The following ASH1L variants were observed in gnomAD, a reference collection of about 807,000 sequenced individuals.
The protein encoded by ASH1L is ASH1 like histone lysine methyltransferase, also known as histone-lysine N-methyltransferase ASH1L.
Under a neutral mutation model 269.0 loss-of-function variants are expected in ASH1L, and 23 were observed. That is an observed-to-expected ratio of 0.09 (90% CI 0.06 to 0.12). The LOEUF (loss-of-function observed/expected upper bound fraction) is 0.12. Among genes scored for constraint, ASH1L ranks in the 10% least tolerant of loss-of-function variants. ASH1L has a pLI of 1.00. For missense variants in ASH1L, 2,912 were observed against 3,567.8 expected (o/e 0.82, Z 4.68); for synonymous variants, 1,187 against 1,253.5 (o/e 0.95, Z 1.12).
intron 15 of ASH1L, 97 bp from the exon 16 acceptor site, chr1:155,354,727 G>T: frequency 8.5e-7 from 1 of 1,178,492 alleles, no homozygotes; most frequent in Non-Finnish European, 1.2e-6. Flanking sequence ...CGATATACGT[G>T]AATTGAGCTG....
chr1:155,391,114 T>A (rs1456732220), intron 7 of ASH1L, among the ~76,000 whole-genome samples: 1 of 152,070 alleles, frequency 6.6e-6, no homozygotes, highest in East Asian at 1.9e-4. Flanking sequence ...CCTGGCTAAT[T>A]TTTGTATTTT....
rs1652559871 is a variant in ASH1L at position 155,339,240 on chromosome 1, G to C, written c.8501+88C>G. The C allele has an allele frequency of 5.0e-6, 6 of 1,199,646 alleles. No individual in the cohort carries two copies. The Admixed American group carries it at 5.2e-5, about 10-fold the overall frequency. The allele number at this position is 1,199,646 out of a possible 1,614,324, so 74.3% of individuals were successfully genotyped here. On this transcript the variant is annotated intron_variant, in intron 26 of 27. Transcript: ENST00000392403. ...CAGAGAATACCCAGTCCTAGAAGTGGAGCTGAGTGGGTAGTTGTTTGTTTT... is the reference window on the plus strand; with the variant it reads ...CAGAGAATACCCAGTCCTAGAAGTGCAGCTGAGTGGGTAGTTGTTTGTTTT...
At chr1:155,531,116 C>T (rs1669641826) in intron 1 of ASH1L, among the ~76,000 whole-genome samples, 1 of 151,828 alleles carries the variant, frequency 6.6e-6, no homozygotes, top group Admixed American at 6.6e-5. Context: ...TAGAATCGTG[C>T]CACTGCACTC....
At chr1:155,463,628 AC>A (rs1450646702) in intron 3 of ASH1L, among the ~76,000 whole-genome samples, 1 of 151,766 alleles carries the variant, frequency 6.6e-6, no homozygotes, top group Non-Finnish European at 1.5e-5. Context: ...CTCAGTCTCT[AC>A]AAAAAAAAAT....
chr1:155,543,321 G>C (rs1670567148), intron 1 of ASH1L, among the ~76,000 whole-genome samples: 1 of 151,606 alleles, frequency 6.6e-6, no homozygotes, highest in Non-Finnish European at 1.5e-5. Flanking sequence ...CACCAGCCTG[G>C]CCAACATGGT....
chr1:155,405,253 G>T (rs971677475), intron 6 of ASH1L, among the ~76,000 whole-genome samples: 5 of 151,852 alleles, frequency 3.3e-5, no homozygotes, highest in African/African-American at 1.2e-4. Context: ...GGCTGAGGGG[G>T]GGGCAGATCA....
At chr1:155,451,998 G>A (rs1423428101) in intron 4 of ASH1L, among the ~76,000 whole-genome samples, 2 of 151,900 alleles carry the variant, frequency 1.3e-5, no homozygotes, top group African/African-American at 4.8e-5. Context: ...TGGGATTACA[G>A]ACGTGAGCCA....
At chr1:155,491,178 TTAATA>T (rs1405957269) in intron 2 of ASH1L, among the ~76,000 whole-genome samples, 16 of 152,144 alleles carry the variant, frequency 1.1e-4, no homozygotes, top group African/African-American at 3.9e-4. Context: ...AGATGGGCCC[TTAATA>T]TAATACTTCT....
chr1:155,556,237 C>T lies in ASH1L; in HGVS notation c.-100+5916G>A, dbSNP rs575107753. ...CCTGTACATAAAATTTAAAAATTAA[C>T]CAGATGTGGTGGCACATACATGTGG... On this transcript the variant is annotated intron_variant, in intron 1 of 27. Coordinates refer to ENST00000392403, the MANE Select transcript of ASH1L (RefSeq NM_018489.3). Among the ~76,000 whole-genome samples, 3 of 152,108 alleles carry T rather than the reference C, an allele frequency of 2.0e-5. No homozygotes were observed. The South Asian group carries it at 6.2e-4, about 32-fold the overall frequency.
intron 1 of ASH1L, among the ~76,000 whole-genome samples, chr1:155,548,193 C>T (rs758963858): frequency 1.1e-4 from 17 of 152,078 alleles, no homozygotes; most frequent in Non-Finnish European, 2.1e-4. Context: ...GAGGGAGAAC[C>T]TGAGGACGAG....
chr1:155,531,113 G>A (rs1207301173), intron 1 of ASH1L, among the ~76,000 whole-genome samples: 4 of 151,506 alleles, frequency 2.6e-5, no homozygotes, highest in African/African-American at 9.7e-5. Flanking sequence ...AGCTAGAATC[G>A]TGCCACTGCA....
At chr1:155,471,703 T>C (rs1194085633) in intron 3 of ASH1L, among the ~76,000 whole-genome samples, 1 of 152,248 alleles carries the variant, frequency 6.6e-6, no homozygotes, top group African/African-American at 2.4e-5. Context: ...ACTATAGTGC[T>C]TTCACAAGTT....
intron 1 of ASH1L, among the ~76,000 whole-genome samples, chr1:155,539,110 T>C (rs188296881): frequency 1.3e-5 from 2 of 152,292 alleles, no homozygotes; most frequent in East Asian, 3.9e-4. Flanking sequence ...AGTCTTTTGC[T>C]TCTCTAAAAT....
chr1:155,455,269 A>G (rs1467980991), intron 4 of ASH1L, among the ~76,000 whole-genome samples: 1 of 152,198 alleles, frequency 6.6e-6, no homozygotes, highest in Non-Finnish European at 1.5e-5. Context: ...TAAAGACCTA[A>G]TAAGATATTA....
chr1:155,343,006 C>T lies in ASH1L; in HGVS notation c.8293+308G>A, dbSNP rs1330871781. 1 of 228,566 alleles carries T rather than the reference C, an allele frequency of 4.4e-6. No individual in the cohort carries two copies. The highest frequency in any genetic ancestry group is 8.6e-6 in the Non-Finnish European group (1 of 116,184). The allele number at this position is 228,566 out of a possible 1,614,324, so 14.2% of individuals were successfully genotyped here. A position where few individuals can be genotyped will look rare whatever the true frequency, so the allele number is the denominator to read the frequency against. ...GGGCAATGAACAGGAGACATGAGGT[C>T]ATTGAAGTCTTTTTTTTTTTTTTGA... On this transcript the variant is annotated intron_variant, in intron 24 of 27. Coordinates refer to ENST00000392403, the MANE Select transcript of ASH1L (RefSeq NM_018489.3). This position sits in a 1 kb window ranked among gnomAD's most constrained non-coding sequence, Gnocchi z 6.1.
chr1:155,415,380 TCAAAAAAAAAAAAAAAAA>T, intron 6 of ASH1L, among the ~76,000 whole-genome samples: 1 of 97,502 alleles, frequency 1.0e-5, no homozygotes, highest in East Asian at 3.0e-4. Context: ...AGACTCCGTC[TCAAAAAAAAAAAAAAAAA>T]CAAAAAAAGA....
chr1:155,486,444 G>A (rs1285912649), intron 2 of ASH1L, among the ~76,000 whole-genome samples: 2 of 151,634 alleles, frequency 1.3e-5, no homozygotes, highest in Non-Finnish European at 2.9e-5. Context: ...AAAAAAAATA[G>A]AAAGAATGAA....
In ASH1L at chr1:155,562,799, G is replaced by GCCTCCTCCT. The variant is rs748963366; in HGVS notation, c.-747_-746insAGGAGGAGG. On this transcript the variant is annotated 5_prime_UTR_variant, in exon 1 of 28. Coordinates refer to ENST00000392403, the MANE Select transcript of ASH1L (RefSeq NM_018489.3). ...CGTACCTTCAACGGCGCAAGCCCAA[G>GCCTCCTCCT]CCTCCTCCTCCTCCTCCTCCACCTC... 2 of 597,292 alleles carry GCCTCCTCCT rather than the reference G, an allele frequency of 3.3e-6. No homozygotes were observed. Among genetic ancestry groups the GCCTCCTCCT allele is most frequent in the African/African-American group, 3.8e-5 (2 of 53,152 alleles). 37.0% of individuals were successfully genotyped at this position (597,292 alleles called of 1,614,324 possible).
At chr1:155,455,746 C>T (rs57232463) in intron 4 of ASH1L, among the ~76,000 whole-genome samples, 281 of 152,296 alleles carry the variant, frequency 1.8e-3, no homozygotes, top group African/African-American at 6.6e-3. Context: ...CTCTGCAATG[C>T]AACTGGGAAC....
Sources: allele counts gnomAD v4.1 joint callset (sites outside exome capture counted in the v4.1 genomes callset), GRCh38; gene constraint gnomAD v4.1.1; non-coding constraint Gnocchi (gnomAD v3.1); transcripts MANE v1.5; gene names NCBI Gene and HGNC (gene_info 2026-07-23, HGNC 2026-07-21).